The following C10orf95 variants were observed in gnomAD, a reference collection of about 807,000 sequenced individuals.
C10orf95 encodes uncharacterized protein C10orf95.
For missense variants in C10orf95, 412 were observed against 327.4 expected, an observed-to-expected ratio of 1.26 and a Z score of -1.99; for synonymous variants, 188 against 160.4, an observed-to-expected ratio of 1.17 and a Z score of -1.30.
rs946272090 is a variant in C10orf95, at chr10:102,450,442, T to C, written c.*10A>G. On this transcript the variant is annotated 3_prime_UTR_variant, in exon 2 of 2. Transcript: ENST00000625129. The stretch of plus-strand genomic sequence containing the variant: ...TGCACGCGGGCCCGCCCCTAGGCCT[T>C]GCGGCGGCTTCAGCTCAGGCCCTTG... 2.9e-4 allele frequency: 438 copies of C among 1,524,864 alleles called. No homozygotes were observed. The highest frequency in any genetic ancestry group is 3.7e-4 in the Non-Finnish European group (427 of 1,139,634). The allele number at this position is 1,524,864 out of a possible 1,614,324, so 94.5% of individuals were successfully genotyped here.
chr10:102,450,363 G>C lies in C10orf95; in HGVS notation c.*89C>G. ...GCGCGTCCGCCTCCCGCGCACAGGT[G>C]AGGGCTCACTTCTGCCTGTCGGCGG... On this transcript the variant is annotated 3_prime_UTR_variant, in exon 2 of 2. Transcript: ENST00000625129. The C allele has an allele frequency of 7.2e-7, 1 of 1,381,664 alleles. No homozygotes were observed. The allele number at this position is 1,381,664 out of a possible 1,614,324, so 85.6% of individuals were successfully genotyped here. A position where few individuals can be genotyped will look rare whatever the true frequency, so the allele number is the denominator to read the frequency against.
In C10orf95 at chr10:102,450,043, G is replaced by C. The variant is rs570210428; in HGVS notation, c.*409C>G. The stretch of plus-strand genomic sequence containing the variant: ...CGGGGGTAGGGGAGCGGTGGGAAAG[G>C]GGGGTGGGCGACGACTCTGATAGAG... On this transcript the variant is annotated 3_prime_UTR_variant, in exon 2 of 2. Coordinates refer to ENST00000625129, the MANE Select transcript of C10orf95 (RefSeq NM_001363580.1). The C allele has an allele frequency of 7.0e-5, 17 of 243,714 alleles. No homozygotes were observed. Among genetic ancestry groups the C allele is most frequent in the South Asian group, 3.2e-4 (8 of 24,950 alleles). 15.1% of individuals were successfully genotyped at this position (243,714 alleles called of 1,614,324 possible). A position where few individuals can be genotyped will look rare whatever the true frequency, so the allele number is the denominator to read the frequency against.
In C10orf95 at chr10:102,450,726, C is replaced by T. The variant is rs1256277043; in HGVS notation, c.368G>A (p.Arg123His). The change falls in exon 2 of 2, where the codon CGC (arginine) becomes CAC (histidine). Residue 123 changes from arginine (R) to histidine (H), a missense_variant. Physicochemically the swap from Arg to His is conservative, Grantham distance 29. Transcript: ENST00000625129. Reference protein sequence around the residue: ...PEGGSLQTELRWGRVERARGP... With the variant: ...PEGGSLQTELHWGRVERARGP... ...CCGCGCGCGCTCCACGCGGCCCCAGCGCAGCTCGGTTTGCAGGCTCCCGCC... is the reference window on the plus strand; with the variant it reads ...CCGCGCGCGCTCCACGCGGCCCCAGTGCAGCTCGGTTTGCAGGCTCCCGCC... The T allele has an allele frequency of 4.6e-6, 6 of 1,314,826 alleles. No individual in the cohort carries two copies. The highest frequency in any genetic ancestry group is 3.3e-5 in the Admixed American group (1 of 30,208). 81.4% of individuals were successfully genotyped at this position (1,314,826 alleles called of 1,614,324 possible).
chr10:102,451,540 G>C lies in C10orf95; in HGVS notation c.-209C>G, dbSNP rs558490334. The C allele has an allele frequency of 7.8e-7, 1 of 1,288,048 alleles. No homozygotes were observed. The highest frequency in any genetic ancestry group is 1.0e-6 in the Non-Finnish European group (1 of 976,598). The allele number at this position is 1,288,048 out of a possible 1,614,324, so 79.8% of individuals were successfully genotyped here. A position where few individuals can be genotyped will look rare whatever the true frequency, so the allele number is the denominator to read the frequency against. On this transcript the variant is annotated 5_prime_UTR_variant, in exon 1 of 2. Coordinates refer to ENST00000625129, the MANE Select transcript of C10orf95 (RefSeq NM_001363580.1). ...CTTGAGCTGGCCAGGAGCTACCAGC[G>C]TCTGTCTACACCTGGGTGAGCCGTA...
chr10:102,451,363 C>G (rs1291401308), intron 1 of C10orf95, 23 bp downstream of exon 1: 1 of 1,562,846 alleles, frequency 6.4e-7, no homozygotes, highest in African/African-American at 1.4e-5. Flanking sequence ...CCGGGATGCT[C>G]TTCCCAGTGA....
chr10:102,450,212 C>T lies in C10orf95; in HGVS notation c.*240G>A, dbSNP rs2061682654. Reference sequence around the variant, plus strand: ...GTGCAAGAAGAAAAGAGGTACAGAACACCCAGAGGTGCCCTCGATTCCGTC... The same window carrying T: ...GTGCAAGAAGAAAAGAGGTACAGAATACCCAGAGGTGCCCTCGATTCCGTC... On this transcript the variant is annotated 3_prime_UTR_variant, in exon 2 of 2. Coordinates refer to ENST00000625129, the MANE Select transcript of C10orf95 (RefSeq NM_001363580.1). The T allele has an allele frequency of 3.1e-6, 2 of 652,014 alleles. No homozygotes were observed. The highest frequency in any genetic ancestry group is 5.7e-6 in the Non-Finnish European group (2 of 352,514). 40.4% of individuals were successfully genotyped at this position (652,014 alleles called of 1,614,324 possible). A position where few individuals can be genotyped will look rare whatever the true frequency, so the allele number is the denominator to read the frequency against.
At position 102,450,945 on chromosome 10, in the gene C10orf95, C is replaced by T. The variant is rs761322132; in HGVS notation, c.149G>A (p.Gly50Asp). Residue 50 changes from glycine (G) to aspartate (D), a missense_variant, in exon 2 of 2, where the codon GGC (glycine) becomes GAC (aspartate). Coordinates refer to ENST00000625129, the MANE Select transcript of C10orf95 (RefSeq NM_001363580.1). Reference protein sequence around the residue: ...FRSRPGSLHAGEWAAPREYHR... With the variant: ...FRSRPGSLHADEWAAPREYHR... Reference sequence around the variant, plus strand: ...GTATTCCCGTGGGGCCGCCCACTCGCCCGCATGCAGGCTCCCGGGCCGGCT... The same window carrying T: ...GTATTCCCGTGGGGCCGCCCACTCGTCCGCATGCAGGCTCCCGGGCCGGCT... 2 of 1,268,650 alleles carry T rather than the reference C, an allele frequency of 1.6e-6. No individual in the cohort carries two copies. Among genetic ancestry groups the T allele is most frequent in the Non-Finnish European group, 2.0e-6 (2 of 1,007,600 alleles). The allele number at this position is 1,268,650 out of a possible 1,614,324, so 78.6% of individuals were successfully genotyped here.
chr10:102,450,394 C>A lies in C10orf95; in HGVS notation c.*58G>T. Reference sequence around the variant, plus strand: ...TCACTTCTGCCTGTCGGCGGCGGCACACACAGGAAAGAGCCAAGCGCGTGC... The same window carrying A: ...TCACTTCTGCCTGTCGGCGGCGGCAAACACAGGAAAGAGCCAAGCGCGTGC... On this transcript the variant is annotated 3_prime_UTR_variant, in exon 2 of 2. Transcript: ENST00000625129. 1 of 1,504,776 alleles carries A rather than the reference C, an allele frequency of 6.6e-7. No homozygotes were observed. The highest frequency in any genetic ancestry group is 2.5e-5 in the East Asian group (1 of 39,992). 93.2% of individuals were successfully genotyped at this position (1,504,776 alleles called of 1,614,324 possible). A position where few individuals can be genotyped will look rare whatever the true frequency, so the allele number is the denominator to read the frequency against.
In C10orf95 at chr10:102,450,075, G is replaced by C. The variant is rs944410452; in HGVS notation, c.*377C>G. The C allele has an allele frequency of 3.4e-6, 1 of 291,902 alleles. No homozygotes were observed. The highest frequency in any genetic ancestry group is 7.0e-6 in the Non-Finnish European group (1 of 143,192). 18.1% of individuals were successfully genotyped at this position (291,902 alleles called of 1,614,324 possible). On this transcript the variant is annotated 3_prime_UTR_variant, in exon 2 of 2. Coordinates refer to ENST00000625129, the MANE Select transcript of C10orf95 (RefSeq NM_001363580.1). ...GGCGACGACTCTGATAGAGGGAAAA[G>C]AGGAAGGGAAAGTTGGGGCTTACTG...
chr10:102,451,317 C>T (rs2061691751), intron 1 of C10orf95, 69 bp downstream of exon 1: 2 of 1,515,818 alleles, frequency 1.3e-6, no homozygotes, highest in South Asian at 1.3e-5. Context: ...GCCTCAGGCT[C>T]CCAGCAGACA....
chr10:102,451,350 C>T (rs777303797), intron 1 of C10orf95, 36 bp downstream of exon 1: 9 of 1,563,276 alleles, frequency 5.8e-6, no homozygotes, highest in Middle Eastern at 2.0e-4. Flanking sequence ...TTCAAGCCCT[C>T]CGCCGGGATG....
At position 102,450,876 on chromosome 10, in the gene C10orf95, G is replaced by A. The variant is rs1378718700; in HGVS notation, c.218C>T (p.Pro73Leu). Residue 73 changes from proline to leucine, a missense_variant, in exon 2 of 2, where the codon CCC becomes CTC. Physicochemically the swap from Pro to Leu is moderately conservative, Grantham distance 98. Coordinates refer to ENST00000625129, the MANE Select transcript of C10orf95 (RefSeq NM_001363580.1). ...GTAGGCCGGAGGGCAGGCCCACCAG[G>A]GCGGCGCGGCCTCGGGTGGCGCGGC... ...GPAAPPEAAP[P>L]WWACPPAYAT... The A allele has an allele frequency of 1.6e-6, 2 of 1,233,310 alleles. No homozygotes were observed. Among genetic ancestry groups the A allele is most frequent in the Non-Finnish European group, 2.0e-6 (2 of 989,152 alleles). The allele number at this position is 1,233,310 out of a possible 1,614,324, so 76.4% of individuals were successfully genotyped here. A position where few individuals can be genotyped will look rare whatever the true frequency, so the allele number is the denominator to read the frequency against.
rs1026548375 is a variant in C10orf95, at chr10:102,449,957, C to A, written c.*495G>T. ...GATTCCAGGCGTGAGCTACCGCGCC[C>A]GGCCTATTTACTTTTCTTACTAAGC... On this transcript the variant is annotated 3_prime_UTR_variant, in exon 2 of 2. Coordinates refer to ENST00000625129, the MANE Select transcript of C10orf95 (RefSeq NM_001363580.1). 2 of 221,032 alleles carry A rather than the reference C, an allele frequency of 9.0e-6. No individual in the cohort carries two copies. Among genetic ancestry groups the A allele is most frequent in the Non-Finnish European group, 1.9e-5 (2 of 103,670 alleles). The allele number at this position is 221,032 out of a possible 1,614,324, so 13.7% of individuals were successfully genotyped here.
chr10:102,450,616 T>G lies in C10orf95; in HGVS notation c.478A>C (p.Thr160Pro). The change falls in exon 2 of 2, where the codon ACC (threonine) becomes CCC (proline). Residue 160 changes from threonine (T) to proline (P), a missense_variant. By Grantham distance (38) the Thr-to-Pro change is conservative. Transcript: ENST00000625129. ...AGCAGGAACTGGCCGCGGCGCTGGG[T>G]GACGCGCACGTCGGCGCGGGGGTAG... is the stretch of plus-strand genomic sequence containing the variant. ...GTYPRADVRV[T>P]QRRGQFLLQA... 8.0e-7 allele frequency: 1 copy of G among 1,242,354 alleles called. No individual in the cohort carries two copies. Among genetic ancestry groups the G allele is most frequent in the African/African-American group, 1.6e-5 (1 of 63,634 alleles). The allele number at this position is 1,242,354 out of a possible 1,614,324, so 77.0% of individuals were successfully genotyped here.
At position 102,450,605 on chromosome 10, in the gene C10orf95, GC is replaced by G. The variant is rs1235688925; in HGVS notation, c.488del (p.Arg163ProfsTer50). The stretch of plus-strand genomic sequence containing the variant: ...GCGTCGCCTGCAGCAGGAACTGGCC[GC>G]GGCGCTGGGTGACGCGCACGTCGGC... ...PRADVRVTQR[R>X]GQFLLQATPR... On this transcript the variant is annotated frameshift_variant, in exon 2 of 2. Coordinates refer to ENST00000625129, the MANE Select transcript of C10orf95 (RefSeq NM_001363580.1). LOFTEE classifies it low-confidence loss of function (END_TRUNC). The G allele has an allele frequency of 7.9e-7, 1 of 1,259,138 alleles. No individual in the cohort carries two copies. Among genetic ancestry groups the G allele is most frequent in the Admixed American group, 4.3e-5 (1 of 23,486 alleles). 78.0% of individuals were successfully genotyped at this position (1,259,138 alleles called of 1,614,324 possible). A position where few individuals can be genotyped will look rare whatever the true frequency, so the allele number is the denominator to read the frequency against.
chr10:102,450,738 T>A lies in C10orf95; in HGVS notation c.356A>T (p.Gln119Leu). The stretch of plus-strand genomic sequence containing the variant: ...CACGCGGCCCCAGCGCAGCTCGGTT[T>A]GCAGGCTCCCGCCCTCCGGCCACGG... ...WAPWPEGGSL[Q>L]TELRWGRVER... The change falls in exon 2 of 2, where the codon CAA becomes CTA. Residue 119 changes from glutamine to leucine, a missense_variant. Transcript: ENST00000625129. 2.3e-6 allele frequency: 3 copies of A among 1,318,040 alleles called. No homozygotes were observed. Among genetic ancestry groups the A allele is most frequent in the Non-Finnish European group, 2.9e-6 (3 of 1,029,222 alleles). 81.6% of individuals were successfully genotyped at this position (1,318,040 alleles called of 1,614,324 possible). A position where few individuals can be genotyped will look rare whatever the true frequency, so the allele number is the denominator to read the frequency against.
In C10orf95 at chr10:102,450,984, G is replaced by C; in HGVS notation, c.110C>G (p.Ala37Gly). The change falls in exon 2 of 2, where the codon GCC becomes GGC. Residue 37 changes from alanine to glycine, a missense_variant. Coordinates refer to ENST00000625129, the MANE Select transcript of C10orf95 (RefSeq NM_001363580.1). ...CCCGGGCCGGCTGCGGAAGCTGTGG[G>C]CCTGGACTGGGGGTAGCAGCAGAGG... The part of the protein sequence containing the change: ...AAPLLLPPVQ[A>G]HSFRSRPGSL... 1 of 1,304,818 alleles carries C rather than the reference G, an allele frequency of 7.7e-7. No individual in the cohort carries two copies. Among genetic ancestry groups the C allele is most frequent in the African/African-American group, 1.5e-5 (1 of 66,456 alleles). The allele number at this position is 1,304,818 out of a possible 1,614,324, so 80.8% of individuals were successfully genotyped here. A position where few individuals can be genotyped will look rare whatever the true frequency, so the allele number is the denominator to read the frequency against.
In C10orf95 at chr10:102,451,144, A is replaced by G. The variant is rs2061690643; in HGVS notation, c.-51T>C. ...TCTTACTGGGGGCTCCTGCGGATCCAGACCTGCGGCGGAGGAAGGGATATG... is the reference window on the plus strand; with the variant it reads ...TCTTACTGGGGGCTCCTGCGGATCCGGACCTGCGGCGGAGGAAGGGATATG... On this transcript the variant is annotated 5_prime_UTR_variant, in exon 2 of 2. Coordinates refer to ENST00000625129, the MANE Select transcript of C10orf95 (RefSeq NM_001363580.1). 6.9e-7 allele frequency: 1 copy of G among 1,440,152 alleles called. No individual in the cohort carries two copies. The highest frequency in any genetic ancestry group is 1.4e-5 in the African/African-American group (1 of 69,760). 89.2% of individuals were successfully genotyped at this position (1,440,152 alleles called of 1,614,324 possible). A position where few individuals can be genotyped will look rare whatever the true frequency, so the allele number is the denominator to read the frequency against.
In C10orf95 at chr10:102,451,441, A is replaced by C. The variant is rs2061693124; in HGVS notation, c.-110T>G. ...GATCCAGAGCGGGGCTCCTCTCCGC[A>C]CTTTGTAGCTGCGTTGCTCCGCTCC... On this transcript the variant is annotated 5_prime_UTR_variant, in exon 1 of 2. Transcript: ENST00000625129. 8 of 1,450,706 alleles carry C rather than the reference A, an allele frequency of 5.5e-6. No homozygotes were observed. The highest frequency in any genetic ancestry group is 1.4e-5 in the African/African-American group (1 of 71,032). 89.9% of individuals were successfully genotyped at this position (1,450,706 alleles called of 1,614,324 possible).
Sources: gnomAD v4.1 joint callset for allele counts on GRCh38, gnomAD v4.1.1 for gene constraint, MANE v1.5 for transcripts, NCBI Gene and HGNC (gene_info 2026-07-23, HGNC 2026-07-21) for gene names.